The following CD163L1 variants were observed in gnomAD, a reference collection of about 807,000 sequenced individuals.
The protein encoded by CD163L1 is scavenger receptor cysteine-rich type 1 protein M160.
A neutral mutation model predicts 165.4 loss-of-function variants in CD163L1; 124 were observed. The ratio of observed to expected loss-of-function variants is 0.75; its 90% CI spans 0.65 to 0.87. CD163L1 has a LOEUF of 0.87. Ranked by LOEUF, CD163L1 falls within the 40% of genes least tolerant of loss-of-function variation. The pLI, the probability that CD163L1 is intolerant of heterozygous loss-of-function variation, is 0.00. For missense variants in CD163L1, 1,525 were observed against 1,799.9 expected (o/e 0.85, Z 2.76); for synonymous variants, 585 against 662.2 (o/e 0.88, Z 1.79).
Position 7,368,109 on chromosome 12 carries a change from T to C in CD163L1, c.4161A>G (p.Lys1387=), listed in dbSNP as rs755628141. 1.9e-6 allele frequency: 3 copies of C among 1,609,492 alleles called. No individual in the cohort carries two copies. The highest frequency in any genetic ancestry group is 2.6e-6 in the Non-Finnish European group (3 of 1,175,848). The change falls in exon 17 of 20, where the codon AAA becomes AAG. Residue 1387 remains lysine (K), a synonymous_variant. Coordinates refer to ENST00000313599, the MANE Select transcript of CD163L1 (RefSeq NM_174941.6). The surrounding 1 kb of genome is among the most constrained non-coding windows in gnomAD (Gnocchi z 4.3). ...ILFLTWCRVQ[K]QKHLPLRVST... is the part of the protein sequence containing the mutation. ...CACCTCTGAGGGGCAGATGTTTTTGTTTCTGAACTCGGCACCACGTGAGAA... is the reference window on the plus strand; with the variant it reads ...CACCTCTGAGGGGCAGATGTTTTTGCTTCTGAACTCGGCACCACGTGAGAA...
chr12:7,343,555 G>C (rs1272026125), downstream of CD163L1, among the ~76,000 whole-genome samples: 1 of 152,062 alleles, frequency 6.6e-6, no homozygotes, highest in African/African-American at 2.4e-5. Flanking sequence ...ATCATACAGA[G>C]AAAGCAAAAG....
intron 19 of CD163L1, among the ~76,000 whole-genome samples, chr12:7,356,252 A>G (rs1247334044): frequency 6.6e-6 from 1 of 152,148 alleles, no homozygotes; most frequent in Non-Finnish European, 1.5e-5. Context: ...TAGCATATAA[A>G]GAGGAAAAAG....
At chr12:7,330,902 C>T in the CD163L1 span, among the ~76,000 whole-genome samples, 4 of 152,148 alleles carry the variant, frequency 2.6e-5, no homozygotes, top group Non-Finnish European at 5.9e-5. Context: ...ACTGAGGTAC[C>T]AGGTTCATCT....
Position 7,398,700 on chromosome 12 carries a change from G to A in CD163L1, c.1409-116C>T, listed in dbSNP as rs1947836500. 2.6e-6 allele frequency: 2 copies of A among 783,554 alleles called. No individual in the cohort carries two copies. The highest frequency in any genetic ancestry group is 1.8e-6 in the Non-Finnish European group (1 of 542,204). The allele number at this position is 783,554 out of a possible 1,614,324, so 48.5% of individuals were successfully genotyped here. On this transcript the variant is annotated intron_variant, in intron 6 of 19. Transcript: ENST00000313599. The surrounding 1 kb of genome is among the most constrained non-coding windows in gnomAD (Gnocchi z 4.5). ...CTTTGCCTAACAGGTGATATATTAG[G>A]CACACTTTTGAATGAAAAGTTTGGT... is the stretch of plus-strand genomic sequence containing the variant.
At position 7,357,380 on chromosome 12, in the gene CD163L1, C is replaced by T. The variant is rs1476774759; in HGVS notation, c.*24G>A. ...GTAGGAACAATACTTCTCAACTTAC[C>T]TGGTGAGCCCTGGAAGTCTAAAGTC... On this transcript the variant is annotated splice_region_variant and 3_prime_UTR_variant, in exon 19 of 20. Transcript: ENST00000313599. 1 of 1,599,736 alleles carries T rather than the reference C, an allele frequency of 6.3e-7. No individual in the cohort carries two copies. Among genetic ancestry groups the T allele is most frequent in the Non-Finnish European group, 8.6e-7 (1 of 1,167,636 alleles).
At chr12:7,332,903 A>C in the CD163L1 span, among the ~76,000 whole-genome samples, 1 of 152,232 alleles carries the variant, frequency 6.6e-6, no homozygotes, top group Admixed American at 6.5e-5. Flanking sequence ...AGCTAACATC[A>C]TAATGACAGG....
intron 2 of CD163L1, 112 bp from the exon 3 acceptor site, chr12:7,433,806 TTATAG>T (rs752973741): frequency 1.8e-5 from 14 of 772,660 alleles, no homozygotes; most frequent in African/African-American, 7.0e-5. Flanking sequence ...TTATTAGAAC[TTATAG>T]TAGAGAGAAA....
intron 8 of CD163L1, among the ~76,000 whole-genome samples, chr12:7,386,357 A>T (rs759724080): frequency 6.6e-6 from 1 of 152,060 alleles, no homozygotes; most frequent in Non-Finnish European, 1.5e-5. Context: ...CCCCAGGACT[A>T]GATGGCTTTA....
chr12:7,413,764 G>C (rs968743278), intron 4 of CD163L1, among the ~76,000 whole-genome samples: 11 of 152,110 alleles, frequency 7.2e-5, no homozygotes, highest in African/African-American at 2.7e-4. Context: ...ATAGAGAGGA[G>C]GTGTACAACC....
At position 7,433,704 on chromosome 12, in the gene CD163L1, A is replaced by C; in HGVS notation, c.125-10T>G. On this transcript the variant is annotated splice_polypyrimidine_tract_variant and intron_variant, in intron 2 of 19. Transcript: ENST00000313599. ...TCCAAATCTGTTCCATCTGCAAGAAAGACAGAAACATACATTAGAGATGGC... is the reference window on the plus strand; with the variant it reads ...TCCAAATCTGTTCCATCTGCAAGAACGACAGAAACATACATTAGAGATGGC... 6.3e-7 allele frequency: 1 copy of C among 1,594,064 alleles called. No individual in the cohort carries two copies. The highest frequency in any genetic ancestry group is 8.6e-7 in the Non-Finnish European group (1 of 1,166,818).
chr12:7,370,441 C>T (rs1156903212), intron 14 of CD163L1, among the ~76,000 whole-genome samples: 1 of 152,102 alleles, frequency 6.6e-6, no homozygotes, highest in Non-Finnish European at 1.5e-5. Flanking sequence ...TACCTCTGCC[C>T]ACCAACCACA....
intron 18 of CD163L1, among the ~76,000 whole-genome samples, chr12:7,362,872 C>T (rs191914577): frequency 6.6e-6 from 1 of 151,176 alleles, no homozygotes; most frequent in Admixed American, 6.6e-5. Flanking sequence ...CAAAACCAGC[C>T]CAATCAACAA....
Position 7,368,833 on chromosome 12 carries a change from T to A in CD163L1, c.4072+100A>T. On this transcript the variant is annotated intron_variant, in intron 16 of 19. Transcript: ENST00000313599. This position sits in a 1 kb window ranked among gnomAD's most constrained non-coding sequence, Gnocchi z 4.3. ...GACCCACAGACTCATATTTCTGCAG[T>A]CCCCAGTCTTCTTTGATTATCATAG... The A allele has an allele frequency of 7.6e-7, 1 of 1,309,272 alleles. No individual in the cohort carries two copies. The highest frequency in any genetic ancestry group is 1.1e-6 in the Non-Finnish European group (1 of 908,906). The allele number at this position is 1,309,272 out of a possible 1,614,324, so 81.1% of individuals were successfully genotyped here. A position where few individuals can be genotyped will look rare whatever the true frequency, so the allele number is the denominator to read the frequency against.
chr12:7,325,219 T>C, the CD163L1 span, among the ~76,000 whole-genome samples: 1 of 152,212 alleles, frequency 6.6e-6, no homozygotes, highest in South Asian at 2.1e-4. Context: ...AGAGAGAAGT[T>C]AGGGTAATAC....
downstream of CD163L1, among the ~76,000 whole-genome samples, chr12:7,354,133 AC>A (rs1565765880): frequency 6.6e-6 from 1 of 152,046 alleles, no homozygotes; most frequent in African/African-American, 2.4e-5. Context: ...GAGAGCAGAG[AC>A]CCTAAATGAA....
rs1947173996 is a variant in CD163L1 at position 7,372,909 on chromosome 12, G to A, written c.3730+411C>T. On this transcript the variant is annotated intron_variant, in intron 14 of 19. Transcript: ENST00000313599. This position sits in a 1 kb window ranked among gnomAD's most constrained non-coding sequence, Gnocchi z 4.2. ...ATAAATAATCAACTAACTTCCCATA[G>A]TAAAATGTTCTGCAGGAAAAAATAG... 6.6e-6 allele frequency among the ~76,000 whole-genome samples: 1 copy of A among 152,010 alleles called. No individual in the cohort carries two copies. The highest frequency in any genetic ancestry group is 1.5e-5 in the Non-Finnish European group (1 of 67,974).
intron 4 of CD163L1, among the ~76,000 whole-genome samples, chr12:7,418,404 A>T (rs1384754429): frequency 2.0e-5 from 3 of 152,124 alleles, no homozygotes; most frequent in African/African-American, 7.2e-5. Context: ...AGCAAAGTTC[A>T]TAGCCTTAAA....
intron 8 of CD163L1, among the ~76,000 whole-genome samples, chr12:7,383,334 C>A (rs770959271): frequency 7.2e-5 from 11 of 152,254 alleles, no homozygotes; most frequent in African/African-American, 2.4e-4. Flanking sequence ...ATTGCCTGCC[C>A]AGCACTGCTA....
At chr12:7,326,992 T>C in the CD163L1 span, 1 of 1,604,940 alleles carries the variant, frequency 6.2e-7, no homozygotes. Context: ...AAAGCTTTTG[T>C]TGTCTTAGCT....
Sources: gnomAD v4.1 joint callset for allele counts (sites outside exome capture counted in the v4.1 genomes callset) on GRCh38, gnomAD v4.1.1 for gene constraint, Gnocchi (gnomAD v3.1) non-coding constraint, MANE v1.5 for transcripts, NCBI Gene and HGNC (gene_info 2026-07-23, HGNC 2026-07-21) for gene names.